MTF1: variants seen among roughly 807,000 people sequenced by gnomAD.
MTF1 encodes metal regulatory transcription factor 1.
A neutral mutation model predicts 70.4 loss-of-function variants in MTF1; 22 were observed. That is an observed-to-expected ratio of 0.31 (90% CI 0.22 to 0.45). MTF1 has a LOEUF of 0.45. Ranked by LOEUF, MTF1 falls within the 20% of genes least tolerant of loss-of-function variation. The pLI is 1.00. For synonymous variants in MTF1, 333 were observed against 352.8 expected (o/e 0.94, Z 0.63); for missense variants, 649 against 922.0 (o/e 0.70, Z 3.83).
intron 6 of MTF1, among the ~76,000 whole-genome samples, chr1:37,833,775 A>G (rs999223396): frequency 6.6e-6 from 1 of 152,042 alleles, no homozygotes; most frequent in African/African-American, 2.4e-5. Context: ...GGTAAGTGGC[A>G]TTTGAGTAGA....
chr1:37,822,848 GCTTT>G (rs982321268), intron 8 of MTF1, 132 bp from the exon 9 acceptor site: 4 of 630,434 alleles, frequency 6.3e-6, no homozygotes, highest in African/African-American at 5.5e-5. Context: ...TAGCAGGCCA[GCTTT>G]CTGTCATTTT....
intron 7 of MTF1, among the ~76,000 whole-genome samples, chr1:37,830,022 T>C (rs1641062942): frequency 6.6e-6 from 1 of 152,114 alleles, no homozygotes; most frequent in South Asian, 2.1e-4. Context: ...ATTTTCCTGG[T>C]GACCCTAGGG....
At chr1:37,830,851 C>T (rs1452336029) in intron 7 of MTF1, among the ~76,000 whole-genome samples, 1 of 152,186 alleles carries the variant, frequency 6.6e-6, no homozygotes, top group Non-Finnish European at 1.5e-5. Context: ...AGGGGTCAGC[C>T]AGAGATTCGG....
At chr1:37,839,862 C>A in intron 3 of MTF1, 58 bp downstream of exon 3, 2 of 1,372,828 alleles carry the variant, frequency 1.5e-6, no homozygotes, top group Non-Finnish European at 2.1e-6. Flanking sequence ...GGAAAGAGCT[C>A]TGCCATCACA....
At chr1:37,835,570 T>C (rs1189857587) in intron 5 of MTF1, 101 bp downstream of exon 5, 4 of 869,564 alleles carry the variant, frequency 4.6e-6, no homozygotes, top group Non-Finnish European at 5.6e-6. Context: ...CACCTGAATA[T>C]ATACAGGATC....
chr1:37,842,114 A>G (rs559474496), intron 2 of MTF1, among the ~76,000 whole-genome samples: 1 of 152,188 alleles, frequency 6.6e-6, no homozygotes, highest in Admixed American at 6.5e-5. Context: ...ACCAAAATAC[A>G]AAAGTTAGCC....
rs1020273007 is a variant in MTF1 at position 37,856,139 on chromosome 1, G to A, written c.408+1112C>T. 4.8e-5 allele frequency among the ~76,000 whole-genome samples: 7 copies of A among 145,936 alleles called. No individual in the cohort carries two copies. In the South Asian group the frequency reaches 1.5e-3, roughly 32 times the overall value. On this transcript the variant is annotated intron_variant, in intron 2 of 10. Transcript: ENST00000373036. Reference sequence around the variant, plus strand: ...AATGAAAACTTATTTTAGATAACCTGCTCTCATTTACTGTCTCTTGCCTGA... The same window carrying A: ...AATGAAAACTTATTTTAGATAACCTACTCTCATTTACTGTCTCTTGCCTGA...
At chr1:37,832,173 A>C (rs1641096726) in intron 7 of MTF1, 72 bp downstream of exon 7, 1 of 990,726 alleles carries the variant, frequency 1.0e-6, no homozygotes, top group Non-Finnish European at 1.6e-6. Flanking sequence ...GGCCTGCCTC[A>C]ATTTTCCCAC....
chr1:37,829,903 A>G (rs1434493790), intron 7 of MTF1, among the ~76,000 whole-genome samples: 1 of 152,200 alleles, frequency 6.6e-6, no homozygotes, highest in African/African-American at 2.4e-5. Context: ...CAGGAGCATG[A>G]TCTATAATTA....
Position 37,815,388 on chromosome 1 carries a change from G to A in MTF1, c.2010C>T (p.Ser670=). 6.2e-7 allele frequency: 1 copy of A among 1,614,114 alleles called. No individual in the cohort carries two copies. Among genetic ancestry groups the A allele is most frequent in the Non-Finnish European group, 8.5e-7 (1 of 1,180,030 alleles). ...AGAAAGTCTGCGCTGGGAGCTGCAG[G>A]CTGGGCCCATCAGGAGCCTGGGGGC... ...EPSPQAPDGP[S]LQLPAQTFSS... Residue 670 remains serine, a synonymous_variant, in exon 11 of 11, where the codon AGC becomes AGT. Coordinates refer to ENST00000373036, the MANE Select transcript of MTF1 (RefSeq NM_005955.3). This position sits in a 1 kb window ranked among gnomAD's most constrained non-coding sequence, Gnocchi z 4.5.
intron 7 of MTF1, among the ~76,000 whole-genome samples, chr1:37,825,950 G>T (rs1292493350): frequency 6.6e-6 from 1 of 152,124 alleles, no homozygotes; most frequent in African/African-American, 2.4e-5. Flanking sequence ...CTCAGTTTTG[G>T]GGGAGTCAAA....
At chr1:37,841,856 C>T (rs1333256639) in intron 2 of MTF1, among the ~76,000 whole-genome samples, 6 of 152,108 alleles carry the variant, frequency 3.9e-5, no homozygotes, top group African/African-American at 1.4e-4. Flanking sequence ...CAGCAAGACC[C>T]TGTCTCTACC....
chr1:37,816,103 G>T (rs961372187), intron 10 of MTF1, among the ~76,000 whole-genome samples: 18 of 152,158 alleles, frequency 1.2e-4, no homozygotes, highest in Admixed American at 1.1e-3. Context: ...TGCGGTACAG[G>T]ACCTGCTTGG....
chr1:37,810,985 T>A lies in MTF1; in HGVS notation c.*4151A>T, dbSNP rs1302847613. On this transcript the variant is annotated 3_prime_UTR_variant, in exon 11 of 11. Coordinates refer to ENST00000373036, the MANE Select transcript of MTF1 (RefSeq NM_005955.3). ...GGTGGTGTAAGACAATTGTAAACTC[T>A]TGAGAAATATTGTTGCAGTTCCACA... is the stretch of plus-strand genomic sequence containing the variant. 2.0e-5 allele frequency: 3 copies of A among 152,620 alleles called. No individual in the cohort carries two copies. The highest frequency in any genetic ancestry group is 7.2e-5 in the African/African-American group (3 of 41,446). 9.5% of individuals were successfully genotyped at this position (152,620 alleles called of 1,614,324 possible).
At chr1:37,823,459 G>C (rs1003476890) in intron 8 of MTF1, among the ~76,000 whole-genome samples, 1 of 151,146 alleles carries the variant, frequency 6.6e-6, no homozygotes, top group African/African-American at 2.4e-5. Context: ...AAAAAATGTA[G>C]AAGAAAAATC....
chr1:37,832,633 C>T (rs547379069), intron 6 of MTF1, among the ~76,000 whole-genome samples: 1 of 152,226 alleles, frequency 6.6e-6, no homozygotes, highest in South Asian at 2.1e-4. Flanking sequence ...CCTCCCCTGC[C>T]CCACCCCGTG....
At chr1:37,847,168 C>G (rs1641345938) in intron 2 of MTF1, among the ~76,000 whole-genome samples, 1 of 152,212 alleles carries the variant, frequency 6.6e-6, no homozygotes, top group Non-Finnish European at 1.5e-5. Flanking sequence ...AACCTTTACC[C>G]TTACAGAACA....
chr1:37,835,621 G>A, intron 5 of MTF1, 50 bp downstream of exon 5: 1 of 1,405,556 alleles, frequency 7.1e-7, no homozygotes, highest in South Asian at 1.2e-5. Context: ...GGTCTCAATG[G>A]AAAATTGATA....
chr1:37,815,234 A>AT lies in MTF1; in HGVS notation c.2163dup (p.Ser722IlefsTer15). The AT allele has an allele frequency of 6.2e-7, 1 of 1,614,000 alleles. No homozygotes were observed. Among genetic ancestry groups the AT allele is most frequent in the Non-Finnish European group, 8.5e-7 (1 of 1,179,998 alleles). On this transcript the variant is annotated frameshift_variant, in exon 11 of 11. Coordinates refer to ENST00000373036, the MANE Select transcript of MTF1 (RefSeq NM_005955.3). LOFTEE classifies it high-confidence loss of function. This position sits in a 1 kb window ranked among gnomAD's most constrained non-coding sequence, Gnocchi z 4.5. Reference sequence around the variant, plus strand: ...GACGGGGTGTCCAGGCTCTGGAGGGATAGAAACTCTGACACATCCATGGCA... The same window carrying AT: ...GACGGGGTGTCCAGGCTCTGGAGGGATTAGAAACTCTGACACATCCATGGCA...
Sources: gnomAD v4.1 joint callset for allele counts (sites outside exome capture counted in the v4.1 genomes callset) on GRCh38, gnomAD v4.1.1 for gene constraint, Gnocchi (gnomAD v3.1) non-coding constraint, MANE v1.5 for transcripts, NCBI Gene and HGNC (gene_info 2026-07-23, HGNC 2026-07-21) for gene names.